Variants in GTF2F2 observed in about 807,000 individuals in gnomAD.
GTF2F2 encodes general transcription factor IIF subunit 2.
In GTF2F2, 23 loss-of-function variants were observed where a neutral mutation model predicts 42.2. The ratio of observed to expected loss-of-function variants is 0.55; its 90% confidence interval spans 0.39 to 0.77. The LOEUF (loss-of-function observed/expected upper bound fraction) is 0.77. Ranked by LOEUF, GTF2F2 falls within the 30% of genes least tolerant of loss-of-function variation. The probability of loss-of-function intolerance (pLI) is 0.00; values close to 1 mark genes in which losing one functional copy is unlikely to be tolerated. For missense variants in GTF2F2, 261 were observed against 287.2 expected (o/e 0.91, Z 0.66); for synonymous variants, 105 against 100.8 (o/e 1.04, Z -0.25).
chr13:45,237,598 G>C (rs1406488695), intron 5 of GTF2F2, among the ~76,000 whole-genome samples: 1 of 152,132 alleles, frequency 6.6e-6, no homozygotes, highest in Non-Finnish European at 1.5e-5. Flanking sequence ...TTTTCCATGA[G>C]AGCACCAAAG....
chr13:45,241,001 A>G (rs1875271385), intron 5 of GTF2F2, among the ~76,000 whole-genome samples: 1 of 150,652 alleles, frequency 6.6e-6, no homozygotes, highest in Non-Finnish European at 1.5e-5. Context: ...AAATTAGAAA[A>G]AATTAGTCGG....
At chr13:45,147,598 A>G (rs1445435097) in intron 2 of GTF2F2, among the ~76,000 whole-genome samples, 1 of 152,198 alleles carries the variant, frequency 6.6e-6, no homozygotes, top group East Asian at 1.9e-4. Context: ...TTTATGTGAA[A>G]TCTTAAAATT....
At chr13:45,121,066 A>G (rs528156155) in intron 1 of GTF2F2, among the ~76,000 whole-genome samples, 1 of 152,320 alleles carries the variant, frequency 6.6e-6, no homozygotes, top group Admixed American at 6.5e-5. Context: ...AACTGGTTTT[A>G]GCCATGAGCC....
At chr13:45,166,092 G>A (rs986814736) in intron 4 of GTF2F2, among the ~76,000 whole-genome samples, 1 of 152,060 alleles carries the variant, frequency 6.6e-6, no homozygotes, top group Non-Finnish European at 1.5e-5. Flanking sequence ...GGGATTACAG[G>A]CGTGAGCCAC....
At position 45,258,932 on chromosome 13, in the gene GTF2F2, G is replaced by A. The variant is rs561425863; in HGVS notation, c.486+5962G>A. 1.0e-3 allele frequency among the ~76,000 whole-genome samples: 157 copies of A among 152,326 alleles called. 1 individual carries two copies. The highest frequency in any genetic ancestry group is 3.4e-3 in the African/African-American group (143 of 41,578). ...TCCAACTTTGAATCCAAGTAAGGGCGACTCTGTGTGTTCTGGTTGACTTTG... is the reference window on the plus strand; with the variant it reads ...TCCAACTTTGAATCCAAGTAAGGGCAACTCTGTGTGTTCTGGTTGACTTTG... On this transcript the variant is annotated intron_variant, in intron 6 of 7. Transcript: ENST00000340473.
chr13:45,239,619 G>A (rs368830665), intron 5 of GTF2F2, among the ~76,000 whole-genome samples: 5 of 152,362 alleles, frequency 3.3e-5, no homozygotes, highest in South Asian at 4.1e-4. Flanking sequence ...ACCAAGTCCA[G>A]TGTGAATCAT....
At position 45,252,854 on chromosome 13, in the gene GTF2F2, C is replaced by A; in HGVS notation, c.387-17C>A. ...TGCTAAACAAGAGTGTTAATAATGC[C>A]TTATATTTTTTTTCAGATTGCAAAT... On this transcript the variant is annotated splice_polypyrimidine_tract_variant and intron_variant, in intron 5 of 7. Coordinates refer to ENST00000340473, the MANE Select transcript of GTF2F2 (RefSeq NM_004128.3). The A allele has an allele frequency of 1.9e-6, 2 of 1,078,378 alleles. No individual in the cohort carries two copies. Among genetic ancestry groups the A allele is most frequent in the Admixed American group, 2.5e-5 (1 of 39,754 alleles). The allele number at this position is 1,078,378 out of a possible 1,614,324, so 66.8% of individuals were successfully genotyped here. A position where few individuals can be genotyped will look rare whatever the true frequency, so the allele number is the denominator to read the frequency against.
chr13:45,269,396 G>T (rs375178739), intron 7 of GTF2F2, among the ~76,000 whole-genome samples: 3 of 152,320 alleles, frequency 2.0e-5, no homozygotes, highest in African/African-American at 7.2e-5. Flanking sequence ...CCAGGCTGGG[G>T]GTAGGCCAGA....
chr13:45,267,180 T>G, intron 6 of GTF2F2, 53 bp from the exon 7 acceptor site: 1 of 1,480,522 alleles, frequency 6.8e-7, no homozygotes, highest in African/African-American at 1.4e-5. Context: ...GCCTGTGTTT[T>G]AGAGTGAGCA....
intron 5 of GTF2F2, among the ~76,000 whole-genome samples, chr13:45,213,110 G>A (rs990178656): frequency 7.0e-6 from 1 of 143,290 alleles, no homozygotes; most frequent in Non-Finnish European, 1.5e-5. Flanking sequence ...ACAGAGTCTC[G>A]CTCTGTCGCC....
At chr13:45,235,219 A>T in intron 5 of GTF2F2, among the ~76,000 whole-genome samples, 1 of 152,106 alleles carries the variant, frequency 6.6e-6, no homozygotes, top group Non-Finnish European at 1.5e-5. Flanking sequence ...AAACTGAATT[A>T]ATTTATTATA....
intron 7 of GTF2F2, among the ~76,000 whole-genome samples, chr13:45,271,549 AT>A (rs1231774727): frequency 2.0e-5 from 3 of 147,352 alleles, no homozygotes; most frequent in African/African-American, 7.5e-5. Flanking sequence ...CACCCAGCTA[AT>A]TTTTTTTTTC....
At chr13:45,176,973 A>G (rs1593472699) in intron 4 of GTF2F2, among the ~76,000 whole-genome samples, 1 of 151,838 alleles carries the variant, frequency 6.6e-6, no homozygotes, top group Non-Finnish European at 1.5e-5. Flanking sequence ...TATTTTTAGT[A>G]GAGATGGGGT....
In GTF2F2 at chr13:45,138,398, C is replaced by T. The variant is rs541581788; in HGVS notation, c.140+1592C>T. Among the ~76,000 whole-genome samples, 10 of 152,284 alleles carry T rather than the reference C, an allele frequency of 6.6e-5. No individual in the cohort carries two copies. In the South Asian group the frequency reaches 2.1e-3, roughly 32 times the overall value. ...TGGCTGTGACTTTCTCCACACTACT[C>T]CCAGAATCAACCACTGACCTACTAG... is the stretch of plus-strand genomic sequence containing the variant. On this transcript the variant is annotated intron_variant, in intron 2 of 7. Coordinates refer to ENST00000340473, the MANE Select transcript of GTF2F2 (RefSeq NM_004128.3).
intron 6 of GTF2F2, among the ~76,000 whole-genome samples, chr13:45,256,645 AT>A (rs1876115552): frequency 1.3e-5 from 2 of 152,184 alleles, no homozygotes; most frequent in South Asian, 4.1e-4. Context: ...TAAAAAACAT[AT>A]TCAGTATTGT....
intron 4 of GTF2F2, among the ~76,000 whole-genome samples, chr13:45,155,223 T>C (rs1040663930): frequency 1.3e-5 from 2 of 152,218 alleles, no homozygotes; most frequent in African/African-American, 2.4e-5. Context: ...CCTGCCAAAG[T>C]ATAAGTGACT....
intron 6 of GTF2F2, among the ~76,000 whole-genome samples, chr13:45,255,061 G>A (rs1436644380): frequency 3.3e-5 from 5 of 151,590 alleles, no homozygotes; most frequent in Non-Finnish European, 7.4e-5. Flanking sequence ...CAGCCACTCG[G>A]GAGGTGAGGC....
intron 7 of GTF2F2, among the ~76,000 whole-genome samples, chr13:45,281,303 G>A (rs1200078054): frequency 6.6e-6 from 1 of 152,158 alleles, no homozygotes; most frequent in East Asian, 1.9e-4. Flanking sequence ...GAGCCATCCT[G>A]AAGGAACCTC....
chr13:45,180,496 G>T (rs547521472), intron 4 of GTF2F2, among the ~76,000 whole-genome samples: 1 of 152,206 alleles, frequency 6.6e-6, no homozygotes, highest in African/African-American at 2.4e-5. Context: ...TGGCTGGTCA[G>T]CAAATGTTTA....
Sources: allele counts gnomAD v4.1 joint callset (sites outside exome capture counted in the v4.1 genomes callset), GRCh38; gene constraint gnomAD v4.1.1; transcripts MANE v1.5; gene names NCBI Gene and HGNC (gene_info 2026-07-23, HGNC 2026-07-21).